TNS3: variants seen among roughly 807,000 people sequenced by gnomAD.
TNS3 encodes tensin 3.
TNS3 carries 45 observed loss-of-function variants against 140.9 expected under a neutral mutation model. That is an observed-to-expected ratio of 0.32 (90% CI 0.25 to 0.41). The LOEUF (loss-of-function observed/expected upper bound fraction) is 0.41. TNS3 is among the 10% of genes least tolerant of loss of function. TNS3 has a pLI of 1.00. For missense variants in TNS3, 1,716 were observed against 1,906.7 expected, an observed-to-expected ratio of 0.90 and a Z score of 1.86; for synonymous variants, 815 against 788.4, an observed-to-expected ratio of 1.03 and a Z score of -0.56.
intron 4 of TNS3, among the ~76,000 whole-genome samples, chr7:47,445,058 G>A (rs544904060): frequency 6.6e-4 from 100 of 152,198 alleles, no homozygotes; most frequent in African/African-American, 2.2e-3. Context: ...AATTCAGCCC[G>A]TCCCCCAACA....
intron 23 of TNS3, among the ~76,000 whole-genome samples, chr7:47,300,048 T>A (rs1277784530): frequency 6.6e-6 from 1 of 152,222 alleles, no homozygotes; most frequent in Non-Finnish European, 1.5e-5. Flanking sequence ...TATGTTAGCT[T>A]TAAGAAACCT....
chr7:47,306,469 C>G (rs1268294711), intron 20 of TNS3, among the ~76,000 whole-genome samples: 1 of 152,212 alleles, frequency 6.6e-6, no homozygotes, highest in Non-Finnish European at 1.5e-5. Flanking sequence ...ATATGGTATC[C>G]CCACATATGT....
intron 1 of TNS3, among the ~76,000 whole-genome samples, chr7:47,535,018 A>G (rs1246819536): frequency 6.6e-6 from 1 of 152,166 alleles, no homozygotes; most frequent in Non-Finnish European, 1.5e-5. Flanking sequence ...CTCTATTGCA[A>G]TGCAGCAGCT....
chr7:47,452,965 G>A (rs1286183225), intron 4 of TNS3: 1 of 985,500 alleles, frequency 1.0e-6, no homozygotes, highest in African/African-American at 1.7e-5. Flanking sequence ...CACCGGCCAG[G>A]GCTGCTTTTC....
chr7:47,344,182 C>G (rs1789182364), intron 20 of TNS3, among the ~76,000 whole-genome samples: 1 of 152,154 alleles, frequency 6.6e-6, no homozygotes, highest in Admixed American at 6.5e-5. Flanking sequence ...TCAAGTCCAC[C>G]CAGAAGAAGT....
chr7:47,529,766 A>G (rs1269093410), intron 1 of TNS3, among the ~76,000 whole-genome samples: 2 of 152,256 alleles, frequency 1.3e-5, no homozygotes, highest in Non-Finnish European at 2.9e-5. Flanking sequence ...TCATGTTTGT[A>G]GAGCCAAGGC....
At chr7:47,376,964 T>C (rs1791428426) in intron 16 of TNS3, among the ~76,000 whole-genome samples, 1 of 152,150 alleles carries the variant, frequency 6.6e-6, no homozygotes, top group South Asian at 2.1e-4. Flanking sequence ...GCATGGAGTC[T>C]TCAGTTCTCC....
intron 22 of TNS3, 81 bp from the exon 23 acceptor site, chr7:47,302,353 T>A: frequency 8.4e-7 from 1 of 1,189,370 alleles, no homozygotes; most frequent in Non-Finnish European, 1.2e-6. Flanking sequence ...ATCCCAGAAG[T>A]CCAAATCCCA....
At chr7:47,544,459 G>A (rs1301893644) in intron 1 of TNS3, among the ~76,000 whole-genome samples, 1 of 152,156 alleles carries the variant, frequency 6.6e-6, no homozygotes, top group Admixed American at 6.6e-5. Flanking sequence ...TAGGTCATGA[G>A]GGGAGACTCT....
chr7:47,376,252 G>A (rs1039821373), intron 16 of TNS3, among the ~76,000 whole-genome samples: 1 of 152,208 alleles, frequency 6.6e-6, no homozygotes, highest in African/African-American at 2.4e-5. Context: ...CACGGCATCC[G>A]AATAGACAGA....
At chr7:47,492,550 G>A (rs2151832245) in intron 3 of TNS3, among the ~76,000 whole-genome samples, 1 of 152,344 alleles carries the variant, frequency 6.6e-6, no homozygotes, top group Admixed American at 6.5e-5. Context: ...CTGGGCAGGT[G>A]CCTGTGCCTC....
At chr7:47,430,872 C>T (rs1489492061) in intron 8 of TNS3, among the ~76,000 whole-genome samples, 2 of 152,004 alleles carry the variant, frequency 1.3e-5, no homozygotes, top group South Asian at 4.1e-4. Context: ...AGGTGCATGC[C>T]ACCACACCCA....
chr7:47,332,436 A>G (rs956531491), intron 20 of TNS3, among the ~76,000 whole-genome samples: 7 of 152,302 alleles, frequency 4.6e-5, no homozygotes, highest in Admixed American at 1.3e-4. Context: ...TTCCTGTTCA[A>G]AGCAGCGAGG....
intron 17 of TNS3, among the ~76,000 whole-genome samples, chr7:47,367,580 G>A (rs923045692): frequency 2.0e-5 from 3 of 152,186 alleles, no homozygotes; most frequent in Non-Finnish European, 4.4e-5. Flanking sequence ...AAGGACATGT[G>A]CAGTCCTGGC....
chr7:47,293,755 C>T lies in TNS3; in HGVS notation c.3750G>A (p.Gly1250=). Residue 1250 remains glycine (G), a synonymous_variant, in exon 25 of 31, where the codon GGG becomes GGA. Transcript: ENST00000311160. ...ECTPKGVRLK[G]CSNEPYFGSL... ...CACCGAAATATGGTTCATTCGAGCACCCTTTCAACCGCACTCCCTTCGGGG... is the reference window on the plus strand; with the variant it reads ...CACCGAAATATGGTTCATTCGAGCATCCTTTCAACCGCACTCCCTTCGGGG... The T allele has an allele frequency of 6.2e-7, 1 of 1,614,158 alleles. No individual in the cohort carries two copies. The highest frequency in any genetic ancestry group is 1.1e-5 in the South Asian group (1 of 91,080).
intron 3 of TNS3, among the ~76,000 whole-genome samples, chr7:47,499,871 A>G (rs1021003836): frequency 1.3e-5 from 2 of 152,172 alleles, no homozygotes; most frequent in Admixed American, 6.5e-5. Flanking sequence ...ATACTGGCTC[A>G]TCAATTCTAA....
At chr7:47,395,324 A>G (rs189652331) in intron 16 of TNS3, among the ~76,000 whole-genome samples, 93 of 152,246 alleles carry the variant, frequency 6.1e-4, no homozygotes, top group Admixed American at 4.4e-3. Context: ...GTCCCCATCC[A>G]GCTCTCCAAA....
In TNS3 at chr7:47,297,191, C is replaced by T. The variant is rs770107302; in HGVS notation, c.3567G>A (p.Lys1189=). 1 of 1,612,570 alleles carries T rather than the reference C, an allele frequency of 6.2e-7. No homozygotes were observed. The highest frequency in any genetic ancestry group is 8.5e-7 in the Non-Finnish European group (1 of 1,179,524). ...CTCGAACAATGAATGAGCCCGGCTC[C>T]TTGTCCTTCAACATGGCGATGGCTG... ...REQAIAMLKD[K]EPGSFIVRDS... Residue 1189 remains lysine (K), a synonymous_variant, in exon 24 of 31, where the codon AAG becomes AAA. Coordinates refer to ENST00000311160, the MANE Select transcript of TNS3 (RefSeq NM_022748.12).
chr7:47,542,757 C>T (rs767518509), intron 1 of TNS3, among the ~76,000 whole-genome samples: 2 of 151,908 alleles, frequency 1.3e-5, no homozygotes, highest in East Asian at 3.9e-4. Context: ...AGTGAAAACC[C>T]GTCTCTACTA....
Sources: allele counts gnomAD v4.1 joint callset (sites outside exome capture counted in the v4.1 genomes callset), GRCh38; gene constraint gnomAD v4.1.1; transcripts MANE v1.5; gene names NCBI Gene and HGNC (gene_info 2026-07-23, HGNC 2026-07-21).